Variants in BACC1 observed in about 807,000 individuals in gnomAD.
BACC1 encodes BPTF associated chromatin complex component 1, also known as BPTF-associated chromatin complex component 1.
the BACC1 span, chr17:7,015,040 C>G: frequency 5.1e-5 from 76 of 1,484,902 alleles, no homozygotes; most frequent in East Asian, 1.4e-3. Context: ...GCCGGCCCCC[C>G]GTGACGCTGC....
At chr17:7,016,691 G>A in the BACC1 span, 1 of 1,605,648 alleles carries the variant, frequency 6.2e-7, no homozygotes, top group South Asian at 1.1e-5. Context: ...GGCTGGTGAG[G>A]GCTGTGGAGT....
At chr17:7,016,895 A>G in the BACC1 span, 15 of 1,606,864 alleles carry the variant, frequency 9.3e-6, no homozygotes, top group East Asian at 2.0e-4. Context: ...AACCTAGCTT[A>G]TGCCCCCTTC....
At chr17:7,015,103 G>A in the BACC1 span, 87 of 1,578,648 alleles carry the variant, frequency 5.5e-5, no homozygotes, top group Non-Finnish European at 6.7e-5. Context: ...CCTTCACGAA[G>A]CTCGGGGAGC....
the BACC1 span, chr17:7,016,151 T>A: frequency 1.9e-6 from 1 of 523,052 alleles, no homozygotes; most frequent in Non-Finnish European, 3.4e-6. Flanking sequence ...TTTATATAAA[T>A]GTTTGAGGAC....
chr17:7,015,022 GGGCGGGCGCCGGCCCC>G, the BACC1 span: 1 of 1,441,882 alleles, frequency 6.9e-7, no homozygotes, highest in East Asian at 2.9e-5. Context: ...GGGACGGGGA[GGGCGGGCGCCGGCCCC>G]CCGTGACGCT....
the BACC1 span, chr17:7,017,272 A>C: frequency 6.2e-7 from 1 of 1,613,898 alleles, no homozygotes; most frequent in Non-Finnish European, 8.5e-7. Flanking sequence ...CTGACCCTGG[A>C]TTCTGGCCTT....
the BACC1 span, chr17:7,014,883 G>C: frequency 6.5e-7 from 1 of 1,533,188 alleles, no homozygotes; most frequent in Non-Finnish European, 8.7e-7. The surrounding 1 kb of genome is among the most constrained non-coding windows in gnomAD (Gnocchi z 4.5). Context: ...ACAAAGGTTC[G>C]ACCTCCCTCG....
chr17:7,015,606 G>A, the BACC1 span: 1 of 1,357,292 alleles, frequency 7.4e-7, no homozygotes, highest in Non-Finnish European at 9.8e-7. Flanking sequence ...TTCCCGCAGG[G>A]CCTCAAGAGC....
At chr17:7,016,634 A>G in the BACC1 span, 5 of 1,614,006 alleles carry the variant, frequency 3.1e-6, no homozygotes, top group East Asian at 1.1e-4. Flanking sequence ...TCCTCCCAGC[A>G]GCTCCAGTGT....
At chr17:7,016,375 G>A in the BACC1 span, 5 of 1,082,754 alleles carry the variant, frequency 4.6e-6, no homozygotes, top group Non-Finnish European at 6.7e-6. Flanking sequence ...CCCTACCAAT[G>A]GGTTGGGGCC....
At chr17:7,014,901 C>T in the BACC1 span, 4 of 1,513,472 alleles carry the variant, frequency 2.6e-6, no homozygotes, top group South Asian at 1.2e-5. The surrounding 1 kb of genome is among the most constrained non-coding windows in gnomAD (Gnocchi z 4.5). Flanking sequence ...TCGCGGACAG[C>T]GCTCCCTGGC....
chr17:7,015,182 G>A, the BACC1 span: 29 of 1,549,970 alleles, frequency 1.9e-5, no homozygotes, highest in Non-Finnish European at 2.4e-5. Flanking sequence ...CTGGGACGTG[G>A]ACGCTGAGAG....
chr17:7,015,554 G>C, the BACC1 span: 1 of 1,422,528 alleles, frequency 7.0e-7, no homozygotes. Flanking sequence ...GGGTGTCTAA[G>C]GTGGAGGTGG....
the BACC1 span, chr17:7,016,592 T>C: frequency 6.2e-7 from 1 of 1,614,090 alleles, no homozygotes. Context: ...GAAGGTGGCA[T>C]CTGGTGTCTT....
the BACC1 span, chr17:7,015,909 G>T: frequency 6.3e-7 from 1 of 1,575,214 alleles, no homozygotes; most frequent in Non-Finnish European, 8.7e-7. Flanking sequence ...AAGGGCGGGT[G>T]GGCAGCCTTC....
the BACC1 span, chr17:7,016,474 C>T: frequency 2.1e-5 from 33 of 1,609,706 alleles, no homozygotes; most frequent in African/African-American, 3.8e-4. Context: ...CCTTTCCTAA[C>T]CTCTTCTCTC....
At chr17:7,015,442 C>G in the BACC1 span, 1 of 1,362,182 alleles carries the variant, frequency 7.3e-7, no homozygotes, top group African/African-American at 1.5e-5. Context: ...TTCCCCCAGA[C>G]GGCTGCAGGC....
chr17:7,014,963 C>G, the BACC1 span: 2 of 1,199,988 alleles, frequency 1.7e-6, no homozygotes, highest in South Asian at 1.4e-5. The surrounding 1 kb of genome is among the most constrained non-coding windows in gnomAD (Gnocchi z 4.5). Flanking sequence ...CCGCCCCGGG[C>G]GGGGGGCGGG....
At chr17:7,016,233 T>A in the BACC1 span, 13,168 of 532,384 alleles carry the variant, frequency 0.025, 218 homozygotes, top group Non-Finnish European at 0.032. Context: ...CACCTGTAAA[T>A]CACCAAGCTC....
Sources: allele counts gnomAD v4.1 joint callset, GRCh38; gene constraint gnomAD v4.1.1; non-coding constraint Gnocchi (gnomAD v3.1); transcripts MANE v1.5; gene names NCBI Gene and HGNC (gene_info 2026-07-23, HGNC 2026-07-21).